Variants in PKP4 observed in about 807,000 individuals in gnomAD.
The protein encoded by PKP4 is plakophilin-4.
PKP4 carries 90 observed loss-of-function variants against 145.1 expected under a neutral mutation model. The observed-to-expected ratio is 0.62, with a 90% CI of 0.52 to 0.74. The LOEUF (loss-of-function observed/expected upper bound fraction) is 0.74, where lower values mean the gene tolerates loss of function less well. Among genes scored for constraint, PKP4 ranks in the 30% least tolerant of loss-of-function variants. PKP4 has a pLI of 0.00. For synonymous variants in PKP4, 563 were observed against 577.2 expected, an observed-to-expected ratio of 0.98 and a Z score of 0.35; for missense variants, 1,340 against 1,482.7, an observed-to-expected ratio of 0.90 and a Z score of 1.58.
intron 2 of PKP4, among the ~76,000 whole-genome samples, chr2:158,574,907 G>A (rs1030874978): frequency 1.2e-4 from 19 of 152,182 alleles, no homozygotes; most frequent in African/African-American, 4.3e-4. Context: ...GCTACATCAT[G>A]CATGTATAGG....
At chr2:158,478,049 G>T (rs1288878890) in intron 1 of PKP4, among the ~76,000 whole-genome samples, 4 of 152,094 alleles carry the variant, frequency 2.6e-5, no homozygotes, top group Non-Finnish European at 5.9e-5. Flanking sequence ...TGTTTTCAGT[G>T]TCCTAAAATA....
intron 8 of PKP4, chr2:158,632,422 A>G (rs3771655): frequency 0.12 from 19,482 of 162,538 alleles, 1,487 homozygotes; most frequent in Non-Finnish European, 0.16. Flanking sequence ...TAGAATGTAA[A>G]ATAGATACCC....
At chr2:158,540,181 A>T (rs1282440051) in intron 2 of PKP4, among the ~76,000 whole-genome samples, 1 of 152,194 alleles carries the variant, frequency 6.6e-6, no homozygotes, top group Non-Finnish European at 1.5e-5. Flanking sequence ...ATATATTCAG[A>T]ATAACTTAGT....
At position 158,681,052 on chromosome 2, in the gene PKP4, ATGGATGCCCATGTTTTATTGCTAT is replaced by A. The variant is rs2058399418; in HGVS notation, c.*377_*400del. Reference sequence around the variant, plus strand: ...TGATAGTTTGTACAGAAAAAATAAAATGGATGCCCATGTTTTATTGCTATTACTAAATGTCAAGATTGTATGCTA... The same window carrying A: ...TGATAGTTTGTACAGAAAAAATAAAATACTAAATGTCAAGATTGTATGCTA... On this transcript the variant is annotated 3_prime_UTR_variant, in exon 22 of 22. Coordinates refer to ENST00000389759, the MANE Select transcript of PKP4 (RefSeq NM_003628.6). The A allele has an allele frequency of 5.8e-6, 1 of 171,978 alleles. No individual in the cohort carries two copies. Among genetic ancestry groups the A allele is most frequent in the Admixed American group, 5.8e-5 (1 of 17,292 alleles). The allele number at this position is 171,978 out of a possible 1,614,324, so 10.7% of individuals were successfully genotyped here.
At chr2:158,555,044 A>G (rs2045972865) in intron 2 of PKP4, among the ~76,000 whole-genome samples, 2 of 152,226 alleles carry the variant, frequency 1.3e-5, no homozygotes, top group South Asian at 4.1e-4. Context: ...AGCCATGTTT[A>G]AACATTAGTA....
At chr2:158,572,324 A>G (rs1029007260) in intron 2 of PKP4, among the ~76,000 whole-genome samples, 1 of 152,240 alleles carries the variant, frequency 6.6e-6, no homozygotes, top group African/African-American at 2.4e-5. Context: ...TATTCTAACC[A>G]GTCTTTCCCC....
At chr2:158,463,201 G>C (rs1218199638) in intron 1 of PKP4, among the ~76,000 whole-genome samples, 1 of 152,122 alleles carries the variant, frequency 6.6e-6, no homozygotes, top group Non-Finnish European at 1.5e-5. Flanking sequence ...TACTTAGAGA[G>C]GCATTAACCA....
In PKP4 at chr2:158,621,246, CAAG is replaced by C; in HGVS notation, c.432_434del (p.Arg144del). The C allele has an allele frequency of 6.2e-7, 1 of 1,614,118 alleles. No individual in the cohort carries two copies. Among genetic ancestry groups the C allele is most frequent in the Non-Finnish European group, 8.5e-7 (1 of 1,179,996 alleles). ...ATTCTTACAGGATCATTGGGTAACT[CAAG>C]AAGTTCAACACAAATGAATTCTTAT... On this transcript the variant is annotated inframe_deletion, in exon 6 of 22. Coordinates refer to ENST00000389759, the MANE Select transcript of PKP4 (RefSeq NM_003628.6).
chr2:158,672,160 C>T (rs1189584844), intron 17 of PKP4, among the ~76,000 whole-genome samples: 1 of 152,166 alleles, frequency 6.6e-6, no homozygotes, highest in Non-Finnish European at 1.5e-5. Flanking sequence ...CAGCAGCTCC[C>T]AAGGTGAAAT....
chr2:158,491,946 G>A (rs529395900), intron 1 of PKP4, among the ~76,000 whole-genome samples: 3 of 152,114 alleles, frequency 2.0e-5, no homozygotes, highest in African/African-American at 4.8e-5. Context: ...AGTAGATGGA[G>A]CACAGGTGCG....
chr2:158,678,455 G>T (rs757550702), intron 20 of PKP4, 126 bp from the exon 21 acceptor site: 2 of 705,814 alleles, frequency 2.8e-6, no homozygotes, highest in African/African-American at 3.6e-5. Context: ...CTCCCAGCCC[G>T]CATTGGCACT....
At chr2:158,514,896 G>T (rs975092828) in intron 1 of PKP4, among the ~76,000 whole-genome samples, 1 of 152,224 alleles carries the variant, frequency 6.6e-6, no homozygotes, top group African/African-American at 2.4e-5. Context: ...AGCCAAGATT[G>T]TGCCATTGCA....
intron 2 of PKP4, among the ~76,000 whole-genome samples, chr2:158,561,133 T>C (rs2046478176): frequency 6.6e-6 from 1 of 152,204 alleles, no homozygotes; most frequent in South Asian, 2.1e-4. Context: ...TCAGTTTCCA[T>C]ATATATTATA....
Position 158,642,617 on chromosome 2 carries a change from A to G in PKP4, c.1827A>G (p.Ala609=). 1.2e-6 allele frequency: 2 copies of G among 1,613,684 alleles called. No homozygotes were observed. Among genetic ancestry groups the G allele is most frequent in the Non-Finnish European group, 1.7e-6 (2 of 1,179,682 alleles). Residue 609 remains alanine, a synonymous_variant, in exon 11 of 22, where the codon GCA becomes GCG. Transcript: ENST00000389759. ...FGKSTDENKI[A]MKNVGGIPAL... ...AGTCTACAGATGAAAATAAAATAGCAATGAAGAATGTTGGTGGGATACCTG... is the reference window on the plus strand; with the variant it reads ...AGTCTACAGATGAAAATAAAATAGCGATGAAGAATGTTGGTGGGATACCTG...
intron 3 of PKP4, among the ~76,000 whole-genome samples, chr2:158,602,768 G>A (rs1357985510): frequency 1.3e-5 from 2 of 151,956 alleles, no homozygotes; most frequent in African/African-American, 4.8e-5. Context: ...ATATTATCAC[G>A]AAAAAACTGT....
chr2:158,585,141 C>G (rs1489297611), intron 3 of PKP4, among the ~76,000 whole-genome samples: 2 of 152,118 alleles, frequency 1.3e-5, no homozygotes, highest in Admixed American at 1.3e-4. Flanking sequence ...TTTGATTATC[C>G]TGTTCAGAAG....
At chr2:158,641,327 G>T (rs1459526296) in intron 10 of PKP4, among the ~76,000 whole-genome samples, 1 of 129,996 alleles carries the variant, frequency 7.7e-6, no homozygotes, top group Non-Finnish European at 1.7e-5. Flanking sequence ...GCGAGACTCT[G>T]TCTCAAAAAA....
chr2:158,671,499 G>A (rs896424035), intron 17 of PKP4, among the ~76,000 whole-genome samples: 1 of 152,186 alleles, frequency 6.6e-6, no homozygotes, highest in Non-Finnish European at 1.5e-5. Flanking sequence ...GCCAGTGCCA[G>A]AACCTTTCCA....
At chr2:158,558,526 A>G (rs2046277164) in intron 2 of PKP4, among the ~76,000 whole-genome samples, 1 of 152,168 alleles carries the variant, frequency 6.6e-6, no homozygotes, top group Non-Finnish European at 1.5e-5. Context: ...TAGATGGAGA[A>G]CAGAAAAGTG....
Sources: gnomAD v4.1 joint callset for allele counts (sites outside exome capture counted in the v4.1 genomes callset) on GRCh38, gnomAD v4.1.1 for gene constraint, MANE v1.5 for transcripts, NCBI Gene and HGNC (gene_info 2026-07-23, HGNC 2026-07-21) for gene names.